TRAPPC3L: variants seen among roughly 807,000 people sequenced by gnomAD.
The protein encoded by TRAPPC3L is trafficking protein particle complex subunit 3L, also known as trafficking protein particle complex subunit 3-like protein.
TRAPPC3L carries 23 observed loss-of-function variants against 23.7 expected under a neutral mutation model. That is an observed-to-expected ratio of 0.97 (90% CI 0.70 to 1.37). The LOEUF (loss-of-function observed/expected upper bound fraction) is 1.37, where lower values mean the gene tolerates loss of function less well. Ranked by LOEUF, TRAPPC3L falls within the 40% of genes most tolerant of loss-of-function variation. The pLI is 0.00. For synonymous variants in TRAPPC3L, 81 were observed against 77.9 expected (o/e 1.04, Z -0.21); for missense variants, 212 against 216.8 (o/e 0.98, Z 0.14).
intron 3 of TRAPPC3L, chr6:116,521,023 G>T (rs1772325110): frequency 6.6e-6 from 1 of 151,548 alleles, no homozygotes; most frequent in Non-Finnish European, 1.5e-5. Context: ...GTTAGTCAGG[G>T]TTCTCCAGAG....
chr6:116,500,549 G>A lies in TRAPPC3L; in HGVS notation c.358C>T (p.Pro120Ser), dbSNP rs1391941317. 1.3e-6 allele frequency: 2 copies of A among 1,551,504 alleles called. No homozygotes were observed. Among genetic ancestry groups the A allele is most frequent in the Non-Finnish European group, 1.7e-6 (2 of 1,146,974 alleles). Residue 120 changes from proline to serine, a missense_variant, in exon 4 of 5, where the codon CCT (proline) becomes TCT (serine). Transcript: ENST00000368602. ...TAGCACAGAGAAGATCGCCCAGCAG[G>A]GAGCTCTTCCACAAACTCCACCAGG... ...NPLVEFVEEL[P>S]AGRSSLCYCN...
rs377183677 is a variant in TRAPPC3L at position 116,505,428 on chromosome 6, A to G, written c.241-4762T>C. Among the ~76,000 whole-genome samples the G allele has an allele frequency of 3.3e-4, 51 of 152,354 alleles. No individual in the cohort carries two copies. The East Asian group carries it at 8.5e-3, about 25-fold the overall frequency. On this transcript the variant is annotated intron_variant, in intron 3 of 4. Coordinates refer to ENST00000368602, the MANE Select transcript of TRAPPC3L (RefSeq NM_001139444.3). ...TGGATAGAAAGAATCAATATCGTGAAAATGGCCATACTGCCCAAGGTAATT... is the reference window on the plus strand; with the variant it reads ...TGGATAGAAAGAATCAATATCGTGAGAATGGCCATACTGCCCAAGGTAATT...
intron 3 of TRAPPC3L, among the ~76,000 whole-genome samples, chr6:116,538,066 A>G (rs1055086000): frequency 1.3e-5 from 2 of 152,186 alleles, no homozygotes; most frequent in African/African-American, 2.4e-5. Context: ...TTTGAAGTTA[A>G]TCATAATAAT....
intron 3 of TRAPPC3L, among the ~76,000 whole-genome samples, chr6:116,530,248 C>G (rs990675430): frequency 1.3e-5 from 2 of 151,912 alleles, no homozygotes; most frequent in East Asian, 3.9e-4. Context: ...AAGGAAAAAA[C>G]AGCCTAAGAT....
intron 3 of TRAPPC3L, among the ~76,000 whole-genome samples, chr6:116,527,015 G>A (rs1383014625): frequency 3.3e-5 from 5 of 152,248 alleles, no homozygotes; most frequent in Admixed American, 3.3e-4. Flanking sequence ...AAATTCCCAT[G>A]TGAAGGATAT....
At chr6:116,504,291 T>G (rs1771968332) in intron 3 of TRAPPC3L, among the ~76,000 whole-genome samples, 1 of 152,104 alleles carries the variant, frequency 6.6e-6, no homozygotes, top group Non-Finnish European at 1.5e-5. Context: ...AAGAAATGGA[T>G]AAATTCCTGG....
chr6:116,538,343 C>G (rs1369036086), intron 3 of TRAPPC3L, among the ~76,000 whole-genome samples: 1 of 152,236 alleles, frequency 6.6e-6, no homozygotes, highest in Non-Finnish European at 1.5e-5. Flanking sequence ...ATCTCTGACC[C>G]TACATCGTGT....
intron 1 of TRAPPC3L, among the ~76,000 whole-genome samples, chr6:116,544,302 C>CA (rs1205702090): frequency 1.3e-5 from 2 of 152,024 alleles, no homozygotes; most frequent in African/African-American, 4.8e-5. Context: ...TAATTAAGGC[C>CA]AAACTGAAAT....
intron 3 of TRAPPC3L, among the ~76,000 whole-genome samples, chr6:116,537,554 C>T (rs1389572270): frequency 6.6e-6 from 1 of 152,050 alleles, no homozygotes; most frequent in Non-Finnish European, 1.5e-5. Context: ...ATTTCTTACT[C>T]GATTCCTCTT....
At chr6:116,528,810 A>C (rs1772528808) in intron 3 of TRAPPC3L, among the ~76,000 whole-genome samples, 1 of 152,222 alleles carries the variant, frequency 6.6e-6, no homozygotes, top group South Asian at 2.1e-4. Flanking sequence ...ATTTTAATAT[A>C]GTATGTTGAA....
At chr6:116,532,333 T>C (rs952900443) in intron 3 of TRAPPC3L, among the ~76,000 whole-genome samples, 2 of 152,194 alleles carry the variant, frequency 1.3e-5, no homozygotes, top group African/African-American at 4.8e-5. Context: ...ACTCCTGGGC[T>C]CAAGCTATCC....
intron 3 of TRAPPC3L, among the ~76,000 whole-genome samples, chr6:116,538,844 CT>C (rs1318349132): frequency 1.3e-5 from 2 of 152,062 alleles, no homozygotes; most frequent in East Asian, 3.9e-4. Context: ...CCATCCACCC[CT>C]CTCAGCTTTC....
chr6:116,511,865 G>A (rs1772127364), intron 3 of TRAPPC3L: 4 of 1,613,902 alleles, frequency 2.5e-6, no homozygotes, highest in Non-Finnish European at 3.4e-6. Context: ...TTTCCTCTTT[G>A]CTCCTGCCTG....
intron 3 of TRAPPC3L, among the ~76,000 whole-genome samples, chr6:116,538,838 C>T (rs1773256690): frequency 6.6e-6 from 1 of 151,788 alleles, no homozygotes; most frequent in African/African-American, 2.4e-5. Flanking sequence ...CTCAAGCCAT[C>T]CACCCCTCTC....
chr6:116,498,814 A>AT (rs1771869922), intron 4 of TRAPPC3L, among the ~76,000 whole-genome samples: 1 of 151,616 alleles, frequency 6.6e-6, no homozygotes, highest in African/African-American at 2.4e-5. Flanking sequence ...TTCTTTTCCT[A>AT]CCTCTGATTT....
At chr6:116,527,379 T>C (rs1772465484) in intron 3 of TRAPPC3L, among the ~76,000 whole-genome samples, 1 of 151,978 alleles carries the variant, frequency 6.6e-6, no homozygotes, top group South Asian at 2.1e-4. Flanking sequence ...TAGCCAGGCT[T>C]GGTGGCGGGC....
chr6:116,528,639 T>C (rs1466054951), intron 3 of TRAPPC3L, among the ~76,000 whole-genome samples: 1 of 152,256 alleles, frequency 6.6e-6, no homozygotes, highest in Admixed American at 6.5e-5. Flanking sequence ...TTCCTTTTAA[T>C]TGATTTCCGC....
At chr6:116,511,195 T>TATAC (rs1370524629) in intron 3 of TRAPPC3L, among the ~76,000 whole-genome samples, 4 of 147,290 alleles carry the variant, frequency 2.7e-5, no homozygotes, top group Non-Finnish European at 6.0e-5. Context: ...TATATATATA[T>TATAC]ATATATAATT....
At chr6:116,500,069 G>A (rs1009131879) in intron 4 of TRAPPC3L, among the ~76,000 whole-genome samples, 4 of 152,184 alleles carry the variant, frequency 2.6e-5, no homozygotes, top group African/African-American at 9.7e-5. Flanking sequence ...TGGCCATGTT[G>A]TGATTAGATC....
Sources: gnomAD v4.1 joint callset for allele counts (sites outside exome capture counted in the v4.1 genomes callset) on GRCh38, gnomAD v4.1.1 for gene constraint, MANE v1.5 for transcripts, NCBI Gene and HGNC (gene_info 2026-07-23, HGNC 2026-07-21) for gene names.